SLC16A14: variants seen among roughly 807,000 people sequenced by gnomAD.
The protein encoded by SLC16A14 is solute carrier family 16 member 14.
A neutral mutation model predicts 35.8 loss-of-function variants in SLC16A14; 14 were observed. The observed-to-expected ratio is 0.39, with a 90% CI of 0.26 to 0.61. SLC16A14 has a LOEUF of 0.61. SLC16A14 is among the 20% of genes least tolerant of loss of function. The pLI is 0.51. For synonymous variants in SLC16A14, 248 were observed against 258.9 expected (o/e 0.96, Z 0.40); for missense variants, 533 against 655.0 (o/e 0.81, Z 2.03).
At chr2:230,044,436 C>T (rs538734198) in intron 4 of SLC16A14, among the ~76,000 whole-genome samples, 2 of 150,330 alleles carry the variant, frequency 1.3e-5, no homozygotes, top group Admixed American at 6.6e-5. Context: ...TGAGATCACG[C>T]CACTGCACTC....
chr2:230,037,193 G>T lies in SLC16A14; in HGVS notation c.*187C>A. The T allele has an allele frequency of 2.2e-6, 1 of 461,520 alleles. No individual in the cohort carries two copies. The highest frequency in any genetic ancestry group is 3.8e-6 in the Non-Finnish European group (1 of 261,152). 28.6% of individuals were successfully genotyped at this position (461,520 alleles called of 1,614,324 possible). A position where few individuals can be genotyped will look rare whatever the true frequency, so the allele number is the denominator to read the frequency against. On this transcript the variant is annotated 3_prime_UTR_variant, in exon 5 of 5. Transcript: ENST00000295190. ...TGTATGTAGTCCTTAAGATCTTCCA[G>T]CATTACATCTCCCCAAACAGAGAGG... is the stretch of plus-strand genomic sequence containing the variant.
rs6757397 is a variant in SLC16A14 at position 230,061,398 on chromosome 2, G to A, written c.-14-2032C>T. On this transcript the variant is annotated intron_variant, in intron 1 of 4. Transcript: ENST00000295190. The stretch of plus-strand genomic sequence containing the variant: ...TTTTACAGTTGACCCTGGCACATGT[G>A]TAGTCCCAGCTACACACATTATTTG... Among the ~76,000 whole-genome samples the A allele has an allele frequency of 1.1e-3, 162 of 152,302 alleles. 1 individual carries two copies. The highest frequency in any genetic ancestry group is 3.2e-3 in the African/African-American group (135 of 41,572).
chr2:230,064,314 A>ATGTG (rs55698485), intron 1 of SLC16A14, among the ~76,000 whole-genome samples: 8 of 128,514 alleles, frequency 6.2e-5, no homozygotes, highest in Admixed American at 3.8e-4. Flanking sequence ...GTGTGTGTGT[A>ATGTG]TGTGTGTGTG....
chr2:230,044,489 A>AAG (rs1398087009), intron 4 of SLC16A14, among the ~76,000 whole-genome samples: 1 of 150,536 alleles, frequency 6.6e-6, no homozygotes, highest in African/African-American at 2.4e-5. Context: ...AAAAAAAAAA[A>AAG]AAGTGAAAGG....
At chr2:230,050,534 G>T (rs899980340) in intron 2 of SLC16A14, among the ~76,000 whole-genome samples, 2 of 152,164 alleles carry the variant, frequency 1.3e-5, no homozygotes, top group Admixed American at 6.5e-5. Flanking sequence ...AACTGTTATC[G>T]GGTCCTTCAA....
chr2:230,049,839 C>A lies in SLC16A14; in HGVS notation c.325G>T (p.Val109Phe), dbSNP rs898417801. ...CRQTAIIGGL[V>F]NSLGWVLSAY... ...CTCAACACCCAGCCCAGGGAGTTGA[C>A]GAGCCCTCCAATGATCGCAGTCTGG... The change falls in exon 3 of 5, where the codon GTC becomes TTC. Residue 109 changes from valine (V) to phenylalanine (F), a missense_variant. Physicochemically the swap from Val to Phe is conservative, Grantham distance 50. Coordinates refer to ENST00000295190, the MANE Select transcript of SLC16A14 (RefSeq NM_152527.5). The A allele has an allele frequency of 6.2e-7, 1 of 1,614,106 alleles. No individual in the cohort carries two copies. Among genetic ancestry groups the A allele is most frequent in the Non-Finnish European group, 8.5e-7 (1 of 1,179,994 alleles).
At position 230,068,688 on chromosome 2, in the gene SLC16A14, G is replaced by A. The variant is rs2077825002; in HGVS notation, c.-148C>T. 6.5e-6 allele frequency: 1 copy of A among 152,672 alleles called. No individual in the cohort carries two copies. Among genetic ancestry groups the A allele is most frequent in the Non-Finnish European group, 1.5e-5 (1 of 68,120 alleles). 9.5% of individuals were successfully genotyped at this position (152,672 alleles called of 1,614,324 possible). A position where few individuals can be genotyped will look rare whatever the true frequency, so the allele number is the denominator to read the frequency against. ...ATGTCGCCTATCATCCTGGAGACGC[G>A]GGTGCCTGCGGCTCAGCTCTCCGCC... On this transcript the variant is annotated 5_prime_UTR_variant, in exon 1 of 5. Transcript: ENST00000295190. The surrounding 1 kb of genome is among the most constrained non-coding windows in gnomAD (Gnocchi z 5.1).
rs1045359466 is a variant in SLC16A14, at chr2:230,038,678, G to A, written c.1382-1147C>T. ...CCAGCACTTTGGGAGACCAAGGCGGGCAGATCACATGAAGCCAGGAGTTCG... is the reference window on the plus strand; with the variant it reads ...CCAGCACTTTGGGAGACCAAGGCGGACAGATCACATGAAGCCAGGAGTTCG... On this transcript the variant is annotated intron_variant, in intron 4 of 4. Transcript: ENST00000295190. This position sits in a 1 kb window ranked among gnomAD's most constrained non-coding sequence, Gnocchi z 4.4. Among the ~76,000 whole-genome samples, 1 of 152,170 alleles carries A rather than the reference G, an allele frequency of 6.6e-6. No homozygotes were observed. The highest frequency in any genetic ancestry group is 1.5e-5 in the Non-Finnish European group (1 of 68,008).
chr2:230,064,386 A>G (rs543558834), intron 1 of SLC16A14, among the ~76,000 whole-genome samples: 44 of 152,124 alleles, frequency 2.9e-4, no homozygotes, highest in African/African-American at 1.0e-3. Flanking sequence ...TTGGGGCTAG[A>G]AAGGGATGGG....
Position 230,045,764 on chromosome 2 carries a change from C to T in SLC16A14, c.1362G>A (p.Leu454=). 1.9e-6 allele frequency: 3 copies of T among 1,614,202 alleles called. No homozygotes were observed. The highest frequency in any genetic ancestry group is 2.5e-6 in the Non-Finnish European group (3 of 1,180,036). Reference sequence around the variant, plus strand: ...GTTTACCTGCAAAAGGTGGTCCCAGCAATGCAGAGATGCCATTAGCACAGA... The same window carrying T: ...GTTTACCTGCAAAAGGTGGTCCCAGTAATGCAGAGATGCCATTAGCACAGA... ...IIICANGISA[L]LGPPFAGWIY... Residue 454 remains leucine (L), a synonymous_variant, in exon 4 of 5, where the codon TTG becomes TTA. Coordinates refer to ENST00000295190, the MANE Select transcript of SLC16A14 (RefSeq NM_152527.5).
chr2:230,045,599 T>A, intron 4 of SLC16A14, 146 bp downstream of exon 4: 3 of 879,666 alleles, frequency 3.4e-6, no homozygotes, highest in South Asian at 3.7e-5. Context: ...CTTGCTAAAA[T>A]GTATAAATGA....
At chr2:230,048,277 G>A (rs2077625554) in intron 3 of SLC16A14, among the ~76,000 whole-genome samples, 2 of 152,148 alleles carry the variant, frequency 1.3e-5, no homozygotes, top group African/African-American at 4.8e-5. Context: ...AAGTCACACA[G>A]GTAATAATAA....
At chr2:230,062,765 A>G (rs982567351) in intron 1 of SLC16A14, among the ~76,000 whole-genome samples, 3 of 152,150 alleles carry the variant, frequency 2.0e-5, no homozygotes. Context: ...ACCAGTGGAG[A>G]AGCAACTTAG....
rs75201193 is a variant in SLC16A14 at position 230,039,228 on chromosome 2, T to C, written c.1382-1697A>G. 9.4e-3 allele frequency among the ~76,000 whole-genome samples: 1,427 copies of C among 151,970 alleles called. 19 individuals are homozygous for C. Among genetic ancestry groups the C allele is most frequent in the African/African-American group, 0.032 (1,336 of 41,442 alleles). ...TAGCATACAAATTTATAATCTTTTC[T>C]TTAAAAAAACAACTCGTTAAAAGGT... is the stretch of plus-strand genomic sequence containing the variant. On this transcript the variant is annotated intron_variant, in intron 4 of 4. Transcript: ENST00000295190.
chr2:230,064,314 ATG>A (rs55698485), intron 1 of SLC16A14, among the ~76,000 whole-genome samples: 4 of 128,478 alleles, frequency 3.1e-5, no homozygotes, highest in East Asian at 4.2e-4. Context: ...GTGTGTGTGT[ATG>A]TGTGTGTGTG....
chr2:230,041,886 T>C (rs1328751634), intron 4 of SLC16A14, among the ~76,000 whole-genome samples: 1 of 152,248 alleles, frequency 6.6e-6, no homozygotes, highest in East Asian at 1.9e-4. Context: ...TAGTCACGCA[T>C]GTTGCCAGTC....
Position 230,059,118 on chromosome 2 carries a change from T to G in SLC16A14, c.235A>C (p.Ser79Arg). ...RGLTAWVSSLSMGITLIVGPF... is the reference protein window; with the variant it reads ...RGLTAWVSSLRMGITLIVGPF... Reference sequence around the variant, plus strand: ...CCCACTATCAAGGTGATGCCCATGCTGAGGGAGCTGACCCAGGCGGTCAGG... The same window carrying G: ...CCCACTATCAAGGTGATGCCCATGCGGAGGGAGCTGACCCAGGCGGTCAGG... Residue 79 changes from serine to arginine, a missense_variant, in exon 2 of 5, where the codon AGC becomes CGC. By Grantham distance (110) the Ser-to-Arg change is moderately radical (BLOSUM62 -1). Transcript: ENST00000295190. 1 of 1,613,372 alleles carries G rather than the reference T, an allele frequency of 6.2e-7. No homozygotes were observed. Among genetic ancestry groups the G allele is most frequent in the Middle Eastern group, 1.7e-4 (1 of 6,054 alleles).
chr2:230,039,525 T>A (rs1444713621), intron 4 of SLC16A14, among the ~76,000 whole-genome samples: 1 of 152,214 alleles, frequency 6.6e-6, no homozygotes, highest in Non-Finnish European at 1.5e-5. Context: ...GTGTTACCAG[T>A]TGGCAACTGT....
chr2:230,045,572 G>A (rs2077598050), intron 4 of SLC16A14, 173 bp downstream of exon 4: 3 of 720,666 alleles, frequency 4.2e-6, no homozygotes, highest in Non-Finnish European at 4.5e-6. Context: ...AAAAAAAAAA[G>A]AAAGAATAGG....
Sources: gnomAD v4.1 joint callset for allele counts (sites outside exome capture counted in the v4.1 genomes callset) on GRCh38, gnomAD v4.1.1 for gene constraint, Gnocchi (gnomAD v3.1) non-coding constraint, MANE v1.5 for transcripts, NCBI Gene and HGNC (gene_info 2026-07-23, HGNC 2026-07-21) for gene names.